XYLT1: variants seen among roughly 807,000 people sequenced by gnomAD.
XYLT1 encodes xylosyltransferase 1, also known as beta-D-xylosyltransferase 1.
In XYLT1, 36 loss-of-function variants were observed where a neutral mutation model predicts 91.3. That is an observed-to-expected ratio of 0.39 (90% CI 0.30 to 0.52). The LOEUF is 0.52. Ranked by LOEUF, XYLT1 falls within the 20% of genes least tolerant of loss-of-function variation. The pLI, the probability that XYLT1 is intolerant of heterozygous loss-of-function variation, is 0.68. For synonymous variants in XYLT1, 588 were observed against 532.0 expected, an observed-to-expected ratio of 1.11 and a Z score of -1.45; for missense variants, 1,242 against 1,284.5, an observed-to-expected ratio of 0.97 and a Z score of 0.51.
intron 2 of XYLT1, among the ~76,000 whole-genome samples, chr16:17,260,515 GTCC>G (rs914628003): frequency 1.3e-5 from 2 of 152,038 alleles, no homozygotes; most frequent in African/African-American, 4.8e-5. Context: ...ATCCCTGCTA[GTCC>G]TCCTTTTAAG....
At chr16:17,459,735 C>G (rs2036790530) in intron 1 of XYLT1, among the ~76,000 whole-genome samples, 1 of 152,166 alleles carries the variant, frequency 6.6e-6, no homozygotes, top group Admixed American at 6.6e-5. Flanking sequence ...TCATCCTGCC[C>G]CCAAACCATA....
intron 1 of XYLT1, among the ~76,000 whole-genome samples, chr16:17,397,432 C>T (rs546295181): frequency 6.6e-6 from 1 of 152,296 alleles, no homozygotes; most frequent in Admixed American, 6.5e-5. Context: ...AATAAACCGC[C>T]TTTCCGGCTT....
intron 6 of XYLT1, among the ~76,000 whole-genome samples, chr16:17,156,423 T>C (rs2031409619): frequency 6.6e-6 from 1 of 152,254 alleles, no homozygotes; most frequent in Admixed American, 6.5e-5. Context: ...TTTTTCCTTC[T>C]CTACCTGAGG....
rs771239606 is a variant in XYLT1, at chr16:17,259,137, G to A, written c.764C>T (p.Pro255Leu). Reference sequence around the variant, plus strand: ...CTCCTTGCCTGAGATGTCACACTTAGGGGGCTGGTCATACTTGGTCTCGGG... The same window carrying A: ...CTCCTTGCCTGAGATGTCACACTTAAGGGGCTGGTCATACTTGGTCTCGGG... ...SSPETKYDQP[P>L]KCDISGKEAI... The change falls in exon 3 of 12, where the codon CCT becomes CTT. Residue 255 changes from proline to leucine, a missense_variant. Around this residue, in one of 3 missense-constraint regions of XYLT1, gnomAD observed 437 missense variants for 411.5 expected, o/e 1.06. Transcript: ENST00000261381. 2 of 1,590,040 alleles carry A rather than the reference G, an allele frequency of 1.3e-6. No individual in the cohort carries two copies. The highest frequency in any genetic ancestry group is 3.6e-5 in the Admixed American group (2 of 55,778).
chr16:17,461,232 G>A (rs564682428), intron 1 of XYLT1, among the ~76,000 whole-genome samples: 3 of 152,314 alleles, frequency 2.0e-5, no homozygotes, highest in African/African-American at 4.8e-5. Flanking sequence ...GAGACCTCAG[G>A]GCTCCCAGGG....
chr16:17,410,011 G>T (rs1404184838), intron 1 of XYLT1, among the ~76,000 whole-genome samples: 2 of 152,194 alleles, frequency 1.3e-5, no homozygotes, highest in African/African-American at 4.8e-5. Context: ...TGCTGTGGGT[G>T]ATCATGTCCC....
At chr16:17,321,301 G>GTAA (rs2034715652) in intron 2 of XYLT1, among the ~76,000 whole-genome samples, 1 of 122,250 alleles carries the variant, frequency 8.2e-6, no homozygotes, top group Admixed American at 9.0e-5. Flanking sequence ...TATTTTTACT[G>GTAA]TAATAGCCCA....
chr16:17,108,715 G>C lies in XYLT1; in HGVS notation c.2860C>G (p.Pro954Ala). The C allele has an allele frequency of 6.3e-7, 1 of 1,585,490 alleles. No homozygotes were observed. The highest frequency in any genetic ancestry group is 8.6e-7 in the Non-Finnish European group (1 of 1,167,288). Residue 954 changes from proline (P) to alanine (A), a missense_variant, in exon 12 of 12, where the codon CCT (proline) becomes GCT (alanine). By Grantham distance (27) the Pro-to-Ala change is conservative. Coordinates refer to ENST00000261381, the MANE Select transcript of XYLT1 (RefSeq NM_022166.4). The stretch of plus-strand genomic sequence containing the variant: ...CAGTGCTACCTGAGCCGGCCATCAG[G>C]TTTGACTGCCCCCAGCTCCGACTTG... ...DPKSELGAVK[P>A]DGRLR
At chr16:17,386,913 T>G (rs1055761429) in intron 1 of XYLT1, among the ~76,000 whole-genome samples, 1 of 152,102 alleles carries the variant, frequency 6.6e-6, no homozygotes, top group Non-Finnish European at 1.5e-5. Context: ...AGATGGCAAA[T>G]TTAATAGTCA....
At chr16:17,378,081 T>C (rs925229858) in intron 1 of XYLT1, among the ~76,000 whole-genome samples, 1 of 152,042 alleles carries the variant, frequency 6.6e-6, no homozygotes, top group Non-Finnish European at 1.5e-5. Flanking sequence ...GTCACGGGGG[T>C]TTCCTCCACT....
chr16:17,349,219 G>T (rs1406420184), intron 2 of XYLT1, among the ~76,000 whole-genome samples: 2 of 152,162 alleles, frequency 1.3e-5, no homozygotes, highest in Non-Finnish European at 2.9e-5. Context: ...CATGTGCTCT[G>T]GATTGCCAAG....
At chr16:17,278,806 C>G (rs575260078) in intron 2 of XYLT1, among the ~76,000 whole-genome samples, 1 of 152,286 alleles carries the variant, frequency 6.6e-6, no homozygotes, top group South Asian at 2.1e-4. Flanking sequence ...AAGCAAGGGG[C>G]AAGGCTGGGA....
intron 1 of XYLT1, among the ~76,000 whole-genome samples, chr16:17,447,364 C>T (rs2036606237): frequency 6.6e-6 from 1 of 152,194 alleles, no homozygotes; most frequent in African/African-American, 2.4e-5. Flanking sequence ...AATGTCTGAC[C>T]TTAGTTTAAT....
At position 17,127,773 on chromosome 16, in the gene XYLT1, TG is replaced by T. The variant is rs866554330; in HGVS notation, c.2115del (p.Asn706IlefsTer4). The T allele has an allele frequency of 6.2e-7, 1 of 1,614,026 alleles. No individual in the cohort carries two copies. The highest frequency in any genetic ancestry group is 1.3e-5 in the African/African-American group (1 of 74,916). On this transcript the variant is annotated frameshift_variant, in exon 10 of 12. Coordinates refer to ENST00000261381, the MANE Select transcript of XYLT1 (RefSeq NM_022166.4). LOFTEE classifies it high-confidence loss of function. Reference sequence around the variant, plus strand: ...GTCTCTAGTTTGCTCACAGCCAGATTGGTAGCATGATGCTTGATCAGAAAGC... The same window carrying T: ...GTCTCTAGTTTGCTCACAGCCAGATTGTAGCATGATGCTTGATCAGAAAGC... ...FQGFLIKHHA[T>X]NLAVSKLETL...
rs921375639 is a variant in XYLT1 at position 17,463,373 on chromosome 16, C to CA, written c.363+7060dup. ...ATAAAGAACTCAAACAACTCAACAG[C>CA]AAAAAAACAAGTAGTCCAATTTTTT... On this transcript the variant is annotated intron_variant, in intron 1 of 11. Transcript: ENST00000261381. 3.6e-4 allele frequency among the ~76,000 whole-genome samples: 54 copies of CA among 151,880 alleles called. 1 individual carries two copies. Among genetic ancestry groups the CA allele is most frequent in the Admixed American group, 3.5e-3 (53 of 15,250 alleles).
intron 2 of XYLT1, among the ~76,000 whole-genome samples, chr16:17,350,004 G>C (rs907081436): frequency 2.6e-5 from 4 of 151,898 alleles, no homozygotes; most frequent in African/African-American, 9.7e-5. Flanking sequence ...CTCCCAAATA[G>C]CTGGGACTAC....
chr16:17,134,322 G>T, intron 9 of XYLT1, 151 bp downstream of exon 9: 1 of 1,002,270 alleles, frequency 1.0e-6, no homozygotes, highest in Non-Finnish European at 1.4e-6. Flanking sequence ...TAGGAGGGTG[G>T]CGTTAGATGA....
At chr16:17,413,055 G>A (rs1334436829) in intron 1 of XYLT1, among the ~76,000 whole-genome samples, 1 of 152,178 alleles carries the variant, frequency 6.6e-6, no homozygotes, top group African/African-American at 2.4e-5. Context: ...AGCTGGATGA[G>A]GTCAAAAACT....
chr16:17,349,625 A>AACTTAAC (rs2035192663), intron 2 of XYLT1, among the ~76,000 whole-genome samples: 1 of 151,514 alleles, frequency 6.6e-6, no homozygotes, highest in African/African-American at 2.4e-5. Flanking sequence ...TTGGGCAAGT[A>AACTTAAC]ACTTAACCTC....
Sources: gnomAD v4.1 joint callset for allele counts (sites outside exome capture counted in the v4.1 genomes callset) on GRCh38, gnomAD v4.1.1 for gene constraint, gnomAD v4.1.1 regional missense constraint, MANE v1.5 for transcripts, NCBI Gene and HGNC (gene_info 2026-07-23, HGNC 2026-07-21) for gene names.